Variants in CADM2 observed in about 807,000 individuals in gnomAD.
The protein encoded by CADM2 is cell adhesion molecule 2, also known as immunoglobulin superfamily member 4D.
Under a neutral mutation model 49.8 loss-of-function variants are expected in CADM2, and 12 were observed. The observed-to-expected ratio is 0.24, with a 90% CI of 0.15 to 0.39. CADM2 has a LOEUF of 0.39. Among genes scored for constraint, CADM2 ranks in the 10% least tolerant of loss-of-function variants. The probability of loss-of-function intolerance (pLI) is 1.00; values close to 1 mark genes in which losing one functional copy is unlikely to be tolerated. For synonymous variants in CADM2, 214 were observed against 175.4 expected, an observed-to-expected ratio of 1.22 and a Z score of -1.74; for missense variants, 378 against 492.3, an observed-to-expected ratio of 0.77 and a Z score of 2.20.
intron 1 of CADM2, among the ~76,000 whole-genome samples, chr3:85,303,054 C>G (rs1222802797): frequency 6.6e-6 from 1 of 151,848 alleles, no homozygotes; most frequent in Admixed American, 6.6e-5. Context: ...TTAATTAAGT[C>G]TAAACACTGT....
intron 1 of CADM2, among the ~76,000 whole-genome samples, chr3:85,628,590 TACATATATAC>T (rs2064200597): frequency 7.2e-6 from 1 of 139,006 alleles, no homozygotes; most frequent in Non-Finnish European, 1.5e-5. Context: ...CACATATATA[TACATATATAC>T]ACATATATAC....
intron 1 of CADM2, among the ~76,000 whole-genome samples, chr3:85,413,140 A>AAT (rs1320462646): frequency 5.9e-5 from 8 of 134,552 alleles, no homozygotes; most frequent in African/African-American, 2.1e-4. Context: ...CTCCGTCTCA[A>AAT]AAAAAAAAAA....
intron 1 of CADM2, among the ~76,000 whole-genome samples, chr3:85,565,851 C>T (rs1231710743): frequency 2.7e-5 from 4 of 150,362 alleles, no homozygotes; most frequent in Non-Finnish European, 5.9e-5. Context: ...TAAATAACTC[C>T]TAAACCCTTC....
intron 8 of CADM2, among the ~76,000 whole-genome samples, chr3:85,997,435 C>T (rs1028617743): frequency 6.6e-6 from 1 of 152,128 alleles, no homozygotes; most frequent in African/African-American, 2.4e-5. Context: ...GTAATCTCAT[C>T]ACTGTTTTAT....
chr3:86,014,320 C>T lies in CADM2; in HGVS notation c.971-51285C>T, dbSNP rs1731934905. The T allele has an allele frequency of 5.1e-6, 7 of 1,370,026 alleles. No individual in the cohort carries two copies. In the Middle Eastern group the frequency reaches 5.7e-4, roughly 112 times the overall value. 84.9% of individuals were successfully genotyped at this position (1,370,026 alleles called of 1,614,324 possible). A position where few individuals can be genotyped will look rare whatever the true frequency, so the allele number is the denominator to read the frequency against. ...AAAAATGTCCTATCTTTTACAAGAG[C>T]CTTTGGGGAAAATCTCCAGGGGCAA... On this transcript the variant is annotated intron_variant, in intron 8 of 9. Transcript: ENST00000383699.
chr3:85,504,797 T>A (rs1006668389), intron 1 of CADM2, among the ~76,000 whole-genome samples: 13 of 152,142 alleles, frequency 8.5e-5, no homozygotes, highest in Admixed American at 5.2e-4. Flanking sequence ...GGCATGGCGG[T>A]CTGCAGGTCC....
At chr3:85,946,551 G>A (rs905950609) in intron 7 of CADM2, among the ~76,000 whole-genome samples, 2 of 151,996 alleles carry the variant, frequency 1.3e-5, no homozygotes, top group African/African-American at 4.8e-5. Flanking sequence ...AACCAAAACA[G>A]CATGGTACTG....
At chr3:85,691,829 C>T (rs576268802) in intron 1 of CADM2, among the ~76,000 whole-genome samples, 2 of 152,272 alleles carry the variant, frequency 1.3e-5, no homozygotes, top group East Asian at 3.9e-4. Flanking sequence ...TTTGTAGGGA[C>T]ATGGATGAAG....
At chr3:84,993,317 T>G (rs1314025385) in intron 1 of CADM2, among the ~76,000 whole-genome samples, 1 of 152,128 alleles carries the variant, frequency 6.6e-6, no homozygotes, top group Non-Finnish European at 1.5e-5. Context: ...TTAACTGGAA[T>G]ATTTTGATGC....
At chr3:85,004,809 T>C (rs1307421918) in intron 1 of CADM2, among the ~76,000 whole-genome samples, 1 of 152,164 alleles carries the variant, frequency 6.6e-6, no homozygotes, top group Non-Finnish European at 1.5e-5. Flanking sequence ...TGGGATAGTG[T>C]TCATGGATTT....
intron 1 of CADM2, among the ~76,000 whole-genome samples, chr3:85,697,260 C>T (rs1195539681): frequency 1.3e-5 from 2 of 151,750 alleles, no homozygotes; most frequent in African/African-American, 2.4e-5. Context: ...TGTCATGAAT[C>T]CACATAATAT....
chr3:85,184,917 T>G (rs2041020079), intron 1 of CADM2, among the ~76,000 whole-genome samples: 2 of 152,142 alleles, frequency 1.3e-5, no homozygotes, highest in Admixed American at 1.3e-4. Flanking sequence ...AATATTATGT[T>G]GGGCTTTGCT....
intron 1 of CADM2, among the ~76,000 whole-genome samples, chr3:85,211,664 T>G (rs1333615268): frequency 6.6e-6 from 1 of 152,174 alleles, no homozygotes; most frequent in Non-Finnish European, 1.5e-5. Context: ...TAATTTCAAT[T>G]TTTTAATATT....
In CADM2 at chr3:85,810,045, G is replaced by T. The variant is rs181146007; in HGVS notation, c.238+7849G>T. Among the ~76,000 whole-genome samples, 140 of 152,064 alleles carry T rather than the reference G, an allele frequency of 9.2e-4. 1 individual carries two copies. The highest frequency in any genetic ancestry group is 3.2e-3 in the African/African-American group (134 of 41,468). ...ATAATACAGATACAGGCATAATTAA[G>T]GAAACTAGCCAAAATGATGCACACC... is the stretch of plus-strand genomic sequence containing the variant. On this transcript the variant is annotated intron_variant, in intron 3 of 9. Coordinates refer to ENST00000383699, the MANE Select transcript of CADM2 (RefSeq NM_001167675.2).
chr3:85,042,373 T>G (rs980878769), intron 1 of CADM2, among the ~76,000 whole-genome samples: 2 of 152,204 alleles, frequency 1.3e-5, no homozygotes, highest in Non-Finnish European at 2.9e-5. Context: ...GGCTCACATT[T>G]AAATAAGGCT....
At position 86,000,059 on chromosome 3, in the gene CADM2, T is replaced by G. The variant is rs141846536; in HGVS notation, c.970+38412T>G. Among the ~76,000 whole-genome samples, 330 of 152,308 alleles carry G rather than the reference T, an allele frequency of 2.2e-3. 2 individuals carry two copies. The highest frequency in any genetic ancestry group is 2.7e-3 in the South Asian group (13 of 4,822). On this transcript the variant is annotated intron_variant, in intron 8 of 9. Transcript: ENST00000383699. ...TCAAGATGTCATGGAATTCCTTTTTTAAAATTCATACATTAGCCTTGAACA... is the reference window on the plus strand; with the variant it reads ...TCAAGATGTCATGGAATTCCTTTTTGAAAATTCATACATTAGCCTTGAACA...
intron 3 of CADM2, among the ~76,000 whole-genome samples, chr3:85,844,979 C>T (rs1226224222): frequency 6.6e-6 from 1 of 151,074 alleles, no homozygotes; most frequent in African/African-American, 2.4e-5. Flanking sequence ...AGTGAGATGC[C>T]TATCTTTACA....
chr3:85,300,848 T>G (rs900598257), intron 1 of CADM2, among the ~76,000 whole-genome samples: 1 of 151,936 alleles, frequency 6.6e-6, no homozygotes, highest in South Asian at 2.1e-4. Context: ...CTTTTTTTCA[T>G]ATTTGGAATT....
intron 1 of CADM2, among the ~76,000 whole-genome samples, chr3:85,145,092 T>A (rs1318548442): frequency 6.6e-6 from 1 of 152,200 alleles, no homozygotes; most frequent in Admixed American, 6.5e-5. Flanking sequence ...TACTGTTCTA[T>A]GCTAAGGAAA....
Sources: allele counts gnomAD v4.1 joint callset (sites outside exome capture counted in the v4.1 genomes callset), GRCh38; gene constraint gnomAD v4.1.1; transcripts MANE v1.5; gene names NCBI Gene and HGNC (gene_info 2026-07-23, HGNC 2026-07-21).